SLC3A1: variants seen among roughly 807,000 people sequenced by gnomAD.
The protein encoded by SLC3A1 is solute carrier family 3 member 1.
Under a neutral mutation model 60.3 loss-of-function variants are expected in SLC3A1, and 78 were observed. The ratio of observed to expected loss-of-function variants is 1.29; its 90% CI spans 1.08 to 1.56. The LOEUF (loss-of-function observed/expected upper bound fraction) is 1.56. Ranked by LOEUF, SLC3A1 falls within the 40% of genes most tolerant of loss-of-function variation. SLC3A1 has a pLI of 0.00. For missense variants in SLC3A1, 1,172 were observed against 858.9 expected (o/e 1.36, Z -4.56); for synonymous variants, 392 against 307.9 (o/e 1.27, Z -2.86).
At chr2:44,319,389 G>C (rs1326011830) in intron 9 of SLC3A1, 1 of 152,536 alleles carries the variant, frequency 6.6e-6, no homozygotes, top group Non-Finnish European at 1.5e-5. Context: ...TACAAAAATG[G>C]GGGGAGGGGA....
At chr2:44,303,784 T>C (rs955846153) in intron 6 of SLC3A1, 19 of 411,432 alleles carry the variant, frequency 4.6e-5, no homozygotes, top group African/African-American at 6.1e-5. Context: ...CCTGTGTCCA[T>C]GTGTTCTCGT....
At chr2:44,313,779 G>C in intron 8 of SLC3A1, 56 bp from the exon 9 acceptor site, 1 of 1,284,182 alleles carries the variant, frequency 7.8e-7, no homozygotes, top group Non-Finnish European at 1.1e-6. Flanking sequence ...CAGGACCAAA[G>C]CACATTTCTT....
intron 4 of SLC3A1, 82 bp downstream of exon 4, chr2:44,286,239 T>C: frequency 7.5e-7 from 1 of 1,332,452 alleles, no homozygotes; most frequent in East Asian, 2.3e-5. Flanking sequence ...GCACAGTAAT[T>C]GTGTAGGCAA....
chr2:44,295,353 G>A (rs1322558293), intron 4 of SLC3A1, among the ~76,000 whole-genome samples: 5 of 152,154 alleles, frequency 3.3e-5, no homozygotes, highest in Non-Finnish European at 7.3e-5. Flanking sequence ...AGAGTCCACG[G>A]CACCTACATG....
chr2:44,277,193 C>T (rs1203316332), intron 1 of SLC3A1, among the ~76,000 whole-genome samples: 3 of 150,598 alleles, frequency 2.0e-5, no homozygotes, highest in Non-Finnish European at 4.4e-5. Context: ...CTGCAACCTC[C>T]GTCACCTGGG....
At chr2:44,278,957 C>G (rs760526196) in intron 1 of SLC3A1, among the ~76,000 whole-genome samples, 11 of 151,740 alleles carry the variant, frequency 7.2e-5, no homozygotes, top group Non-Finnish European at 1.5e-4. Context: ...ACATTTATCA[C>G]CTTTTTAAAT....
chr2:44,289,509 C>A (rs1232846596), intron 4 of SLC3A1, among the ~76,000 whole-genome samples: 1 of 152,062 alleles, frequency 6.6e-6, no homozygotes, highest in Non-Finnish European at 1.5e-5. Context: ...CCACACCTGG[C>A]CTCTTTTCAT....
intron 7 of SLC3A1, among the ~76,000 whole-genome samples, chr2:44,308,732 A>ATT (rs566593033): frequency 1.5e-4 from 22 of 147,212 alleles, no homozygotes; most frequent in Non-Finnish European, 2.7e-4. Flanking sequence ...TTCCTGAAGA[A>ATT]TTTTTTTTTT....
chr2:44,319,931 A>G lies in SLC3A1; in HGVS notation c.1618-268A>G. ...CTTTGGGACTCCTAAAGTGGAGTCA[A>G]ATTTGATCTCTACAGAAACTCTACA... On this transcript the variant is annotated intron_variant, in intron 9 of 9. Coordinates refer to ENST00000260649, the MANE Select transcript of SLC3A1 (RefSeq NM_000341.4). The G allele has an allele frequency of 1.0e-5, 4 of 394,988 alleles. 1 individual carries two copies. The highest frequency in any genetic ancestry group is 9.7e-5 in the South Asian group (3 of 31,038). 24.5% of individuals were successfully genotyped at this position (394,988 alleles called of 1,614,324 possible).
chr2:44,316,599 G>T (rs973865792), intron 9 of SLC3A1, among the ~76,000 whole-genome samples: 1 of 152,156 alleles, frequency 6.6e-6, no homozygotes, highest in African/African-American at 2.4e-5. Flanking sequence ...GATAAAGGAA[G>T]ACTTTGTCTT....
In SLC3A1 at chr2:44,286,092, C is replaced by G; in HGVS notation, c.826C>G (p.His276Asp). 2 of 1,613,894 alleles carry G rather than the reference C, an allele frequency of 1.2e-6. No individual in the cohort carries two copies. The highest frequency in any genetic ancestry group is 8.5e-7 in the Non-Finnish European group (1 of 1,179,788). ...FDEVRNQCYF[H>D]QFMKEQPDLN... The stretch of plus-strand genomic sequence containing the variant: ...CGAAGTGCGAAACCAATGTTATTTT[C>G]ATCAGTTTATGAAAGAGCAACCTGA... Residue 276 changes from histidine to aspartate, a missense_variant, in exon 4 of 10, where the codon CAT becomes GAT. Physicochemically the swap from His to Asp is moderately conservative, Grantham distance 81. Transcript: ENST00000260649.
rs1266148203 is a variant in SLC3A1 at position 44,320,957 on chromosome 2, T to C, written c.*318T>C. The C allele has an allele frequency of 2.7e-5, 11 of 410,040 alleles. No homozygotes were observed. Among genetic ancestry groups the C allele is most frequent in the Non-Finnish European group, 4.5e-5 (10 of 224,336 alleles). The allele number at this position is 410,040 out of a possible 1,614,324, so 25.4% of individuals were successfully genotyped here. Reference sequence around the variant, plus strand: ...AAGAATTTTATCTTTTCCCTTAAAATGCAGTCATAGAAATTAGAGGATGAC... The same window carrying C: ...AAGAATTTTATCTTTTCCCTTAAAACGCAGTCATAGAAATTAGAGGATGAC... On this transcript the variant is annotated 3_prime_UTR_variant, in exon 10 of 10. Transcript: ENST00000260649.
intron 7 of SLC3A1, among the ~76,000 whole-genome samples, chr2:44,310,621 C>T (rs966239903): frequency 6.6e-6 from 1 of 151,864 alleles, no homozygotes; most frequent in African/African-American, 2.4e-5. Context: ...AAAATTTTGT[C>T]CTACTTGGAG....
chr2:44,313,960 C>A lies in SLC3A1; in HGVS notation c.1617+9C>A, dbSNP rs765888081. The A allele has an allele frequency of 6.2e-7, 1 of 1,613,970 alleles. No individual in the cohort carries two copies. The highest frequency in any genetic ancestry group is 8.5e-7 in the Non-Finnish European group (1 of 1,179,942). On this transcript the variant is annotated intron_variant, in intron 9 of 9. Coordinates refer to ENST00000260649, the MANE Select transcript of SLC3A1 (RefSeq NM_000341.4). ...ACACTGTGAATGTTGATGTAAGTAT[C>A]AGTGAAAATTTTATGTTGATTCTAG...
At position 44,320,342 on chromosome 2, in the gene SLC3A1, T is replaced by C. The variant is rs1672821679; in HGVS notation, c.1761T>C (p.Asp587=). The C allele has an allele frequency of 1.9e-6, 3 of 1,614,046 alleles. No individual in the cohort carries two copies. The highest frequency in any genetic ancestry group is 1.7e-5 in the Admixed American group (1 of 60,002). ...SHYVVYTREL[D]GIDRIFIVVL... ...ATGTTGTGTACACAAGAGAGCTGGATGGCATCGACAGAATCTTTATCGTGG... is the reference window on the plus strand; with the variant it reads ...ATGTTGTGTACACAAGAGAGCTGGACGGCATCGACAGAATCTTTATCGTGG... Residue 587 remains aspartate (D), a synonymous_variant, in exon 10 of 10, where the codon GAT becomes GAC. Transcript: ENST00000260649.
Position 44,275,979 on chromosome 2 carries a change from G to C in SLC3A1, c.430+14G>C. The C allele has an allele frequency of 6.2e-7, 1 of 1,612,016 alleles. No homozygotes were observed. The highest frequency in any genetic ancestry group is 8.5e-7 in the Non-Finnish European group (1 of 1,178,070). ...GAGATCTGAAAGGTACATGCCCAGA[G>C]ATCATTTAGGGTGGGTGCCAGGATG... On this transcript the variant is annotated intron_variant, in intron 1 of 9. Coordinates refer to ENST00000260649, the MANE Select transcript of SLC3A1 (RefSeq NM_000341.4).
rs1672835850 is a variant in SLC3A1, at chr2:44,320,478, G to GTA, written c.1898_1899insAT (p.Asp634LeufsTer46). On this transcript the variant is annotated frameshift_variant, in exon 10 of 10. Coordinates refer to ENST00000260649, the MANE Select transcript of SLC3A1 (RefSeq NM_000341.4). LOFTEE classifies it low-confidence loss of function (END_TRUNC). ...CAATTCTGCCGACAAAGGCAGTAAAGTTGATACAAGTGGCATTTTTCTGGA... is the reference window on the plus strand; with the variant it reads ...CAATTCTGCCGACAAAGGCAGTAAAGTATTGATACAAGTGGCATTTTTCTGGA... 1 of 1,614,164 alleles carries GTA rather than the reference G, an allele frequency of 6.2e-7. No homozygotes were observed. The highest frequency in any genetic ancestry group is 2.2e-5 in the East Asian group (1 of 44,882).
In SLC3A1 at chr2:44,281,530, C is replaced by A. The variant is rs1193301791; in HGVS notation, c.754C>A (p.Pro252Thr). 6.2e-7 allele frequency: 1 copy of A among 1,613,972 alleles called. No homozygotes were observed. The highest frequency in any genetic ancestry group is 8.5e-7 in the Non-Finnish European group (1 of 1,179,902). ...CTHENGKTIP[P>T]NNWLSVYGNS... is the part of the protein sequence containing the mutation. ...CCATGAAAATGGCAAAACCATTCCA[C>A]CCAACAACTGGGTAAGTATCAACCT... The change falls in exon 3 of 10, where the codon CCC (proline) becomes ACC (threonine). Residue 252 changes from proline (P) to threonine (T), a missense_variant. Physicochemically the swap from Pro to Thr is conservative, Grantham distance 38 (BLOSUM62 -1). Transcript: ENST00000260649.
At chr2:44,288,027 C>A (rs1671657000) in intron 4 of SLC3A1, among the ~76,000 whole-genome samples, 1 of 151,294 alleles carries the variant, frequency 6.6e-6, no homozygotes, top group African/African-American at 2.4e-5. Flanking sequence ...CTACTAATTT[C>A]TGAACTTTTT....
Sources: gnomAD v4.1 joint callset for allele counts (sites outside exome capture counted in the v4.1 genomes callset) on GRCh38, gnomAD v4.1.1 for gene constraint, MANE v1.5 for transcripts, NCBI Gene and HGNC (gene_info 2026-07-23, HGNC 2026-07-21) for gene names.